Variants in GRIK2 observed in about 807,000 individuals in gnomAD.
GRIK2 encodes the protein glutamate receptor ionotropic, kainate 2.
Under a neutral mutation model 100.3 loss-of-function variants are expected in GRIK2, and 32 were observed. The observed-to-expected ratio is 0.32, with a 90% CI of 0.24 to 0.43. The LOEUF (loss-of-function observed/expected upper bound fraction) is 0.43. Among genes scored for constraint, GRIK2 ranks in the 20% least tolerant of loss-of-function variants. The pLI is 1.00. For missense variants in GRIK2, 843 were observed against 1,114.9 expected, an observed-to-expected ratio of 0.76 and a Z score of 3.47; for synonymous variants, 417 against 389.4, an observed-to-expected ratio of 1.07 and a Z score of -0.83.
chr6:101,499,811 G>C (rs975287002), intron 2 of GRIK2, among the ~76,000 whole-genome samples: 2 of 152,076 alleles, frequency 1.3e-5, no homozygotes, highest in Admixed American at 1.3e-4. Flanking sequence ...TTAGGGTGGG[G>C]ACCATGCTGG....
chr6:101,705,372 C>G (rs927927232), intron 7 of GRIK2, among the ~76,000 whole-genome samples: 1 of 151,508 alleles, frequency 6.6e-6, no homozygotes, highest in East Asian at 1.9e-4. Context: ...TACAAAAATA[C>G]CAAAAGTTTA....
At chr6:102,002,135 A>G (rs1794972166) in intron 14 of GRIK2, among the ~76,000 whole-genome samples, 2 of 150,710 alleles carry the variant, frequency 1.3e-5, no homozygotes, top group South Asian at 2.1e-4. Flanking sequence ...GATAATTTAT[A>G]TTATTATTTA....
chr6:101,742,485 G>A (rs1489844872), intron 7 of GRIK2, among the ~76,000 whole-genome samples: 2 of 152,080 alleles, frequency 1.3e-5, no homozygotes, highest in African/African-American at 2.4e-5. Flanking sequence ...CCCTTAAGAG[G>A]TCCTGAGAAC....
At chr6:101,822,627 G>A (rs1219346875) in intron 10 of GRIK2, among the ~76,000 whole-genome samples, 1 of 152,138 alleles carries the variant, frequency 6.6e-6, no homozygotes, top group Non-Finnish European at 1.5e-5. Context: ...CATGCCTACT[G>A]TGTCCCAGAC....
intron 11 of GRIK2, among the ~76,000 whole-genome samples, chr6:101,877,076 C>T (rs1052857067): frequency 6.6e-6 from 1 of 151,944 alleles, no homozygotes; most frequent in Non-Finnish European, 1.5e-5. Flanking sequence ...ACTTAAGAAA[C>T]AAATGAGCTT....
In GRIK2 at chr6:101,858,820, A is replaced by G. The variant is rs543014463; in HGVS notation, c.1318-467A>G. 5.6e-4 allele frequency among the ~76,000 whole-genome samples: 85 copies of G among 152,198 alleles called. 1 individual carries two copies. The highest frequency in any genetic ancestry group is 1.9e-3 in the African/African-American group (80 of 41,524). ...AAGTCCACACTCCAGTTCTTTGCAC[A>G]TAGTAGGCAATTAGTCAGCAATTTT... On this transcript the variant is annotated intron_variant, in intron 10 of 16. Coordinates refer to ENST00000369134, the MANE Select transcript of GRIK2 (RefSeq NM_021956.5).
intron 7 of GRIK2, among the ~76,000 whole-genome samples, chr6:101,789,057 G>GT (rs1779639251): frequency 1.3e-5 from 2 of 151,952 alleles, no homozygotes; most frequent in African/African-American, 4.8e-5. Context: ...TGATGGGGTT[G>GT]TTTTTTTCTT....
chr6:102,060,165 C>A (rs565602413), intron 16 of GRIK2, among the ~76,000 whole-genome samples: 2 of 150,706 alleles, frequency 1.3e-5, no homozygotes, highest in South Asian at 4.2e-4. Flanking sequence ...GTCAATGTAG[C>A]TGTTTCTATT....
intron 10 of GRIK2, among the ~76,000 whole-genome samples, chr6:101,857,765 A>C (rs1373957283): frequency 6.6e-6 from 1 of 152,210 alleles, no homozygotes; most frequent in Non-Finnish European, 1.5e-5. Context: ...AAAATGTGCT[A>C]ATGCATGGAA....
chr6:101,883,513 T>G (rs1332198938), intron 11 of GRIK2, among the ~76,000 whole-genome samples: 1 of 151,988 alleles, frequency 6.6e-6, no homozygotes, highest in East Asian at 1.9e-4. Flanking sequence ...GACTGACAAG[T>G]GACAATGTCT....
At chr6:101,544,673 C>G (rs1015902082) in intron 2 of GRIK2, among the ~76,000 whole-genome samples, 3 of 152,176 alleles carry the variant, frequency 2.0e-5, no homozygotes, top group African/African-American at 7.2e-5. Flanking sequence ...AGTGCCTCCT[C>G]TATGCTATGC....
chr6:102,008,127 G>C (rs1013980001), intron 14 of GRIK2, among the ~76,000 whole-genome samples: 10 of 152,044 alleles, frequency 6.6e-5, no homozygotes, highest in African/African-American at 2.2e-4. Context: ...CAAGGAGATG[G>C]GCAGATGTCA....
chr6:101,581,680 T>G, intron 2 of GRIK2, among the ~76,000 whole-genome samples: 1 of 152,112 alleles, frequency 6.6e-6, no homozygotes, highest in East Asian at 1.9e-4. Context: ...CTCCATGCCT[T>G]CCAGAAAATT....
Position 102,049,768 on chromosome 6 carries a change from T to C in GRIK2, c.2312-5562T>C, listed in dbSNP as rs9498826. Among the ~76,000 whole-genome samples the C allele has an allele frequency of 3.1e-3, 468 of 152,272 alleles. 2 individuals carry two copies. Among genetic ancestry groups the C allele is most frequent in the African/African-American group, 0.011 (454 of 41,574 alleles). On this transcript the variant is annotated intron_variant, in intron 15 of 16. Transcript: ENST00000369134. Reference sequence around the variant, plus strand: ...TAAAAAGCAAGAATGATTTTGTTTCTGACCCTTGTAATTGATTAAAGCATA... The same window carrying C: ...TAAAAAGCAAGAATGATTTTGTTTCCGACCCTTGTAATTGATTAAAGCATA...
At chr6:101,500,238 G>A (rs1035712812) in intron 2 of GRIK2, among the ~76,000 whole-genome samples, 4 of 152,076 alleles carry the variant, frequency 2.6e-5, no homozygotes, top group Non-Finnish European at 5.9e-5. Context: ...ACCAATTGTT[G>A]TGGTTAAATT....
At chr6:101,586,887 C>G (rs1778390975) in intron 2 of GRIK2, among the ~76,000 whole-genome samples, 1 of 71,334 alleles carries the variant, frequency 1.4e-5, no homozygotes, top group African/African-American at 9.7e-5. Flanking sequence ...AAGTCTCTGT[C>G]TTAACAAAAA....
At chr6:101,537,403 A>G (rs1775753140) in intron 2 of GRIK2, among the ~76,000 whole-genome samples, 1 of 150,458 alleles carries the variant, frequency 6.6e-6, no homozygotes, top group Non-Finnish European at 1.5e-5. Flanking sequence ...TATGTACCCA[A>G]AATAAGAGTA....
chr6:101,784,947 T>A (rs1457332515), intron 7 of GRIK2, among the ~76,000 whole-genome samples: 1 of 152,172 alleles, frequency 6.6e-6, no homozygotes, highest in Non-Finnish European at 1.5e-5. Context: ...TTTTTCTCCA[T>A]GTTTTTGGTT....
chr6:101,809,438 C>A (rs774984199), intron 9 of GRIK2, among the ~76,000 whole-genome samples: 16 of 151,830 alleles, frequency 1.1e-4, no homozygotes, highest in Non-Finnish European at 1.6e-4. Flanking sequence ...GAAAAAGGTG[C>A]CTGAATGGAA....
Sources: allele counts gnomAD v4.1 joint callset (sites outside exome capture counted in the v4.1 genomes callset), GRCh38; gene constraint gnomAD v4.1.1; transcripts MANE v1.5; gene names NCBI Gene and HGNC (gene_info 2026-07-23, HGNC 2026-07-21).